The following CACNA1D variants were observed in gnomAD, a reference collection of about 807,000 sequenced individuals.
CACNA1D encodes calcium voltage-gated channel subunit alpha1 D, also known as voltage-dependent L-type calcium channel subunit alpha-1D.
CACNA1D carries 55 observed loss-of-function variants against 257.1 expected under a neutral mutation model. That is an observed-to-expected ratio of 0.21 (90% CI 0.17 to 0.27). The LOEUF is 0.27. Ranked by LOEUF, CACNA1D falls within the 10% of genes least tolerant of loss-of-function variation. CACNA1D has a pLI of 1.00. For missense variants in CACNA1D, 1,876 were observed against 2,784.0 expected, an observed-to-expected ratio of 0.67 and a Z score of 7.34; for synonymous variants, 980 against 1,014.9, an observed-to-expected ratio of 0.97 and a Z score of 0.65.
chr3:53,559,824 G>A (rs1344108004), intron 3 of CACNA1D, among the ~76,000 whole-genome samples: 1 of 152,090 alleles, frequency 6.6e-6, no homozygotes, highest in South Asian at 2.1e-4. Flanking sequence ...ATTACTTTAC[G>A]TGACTGTGTC....
At position 53,787,425 on chromosome 3, in the gene CACNA1D, C is replaced by CTGTGTGTGTGTGTGTGTGTG. The variant is rs3217446; in HGVS notation, c.4923+483_4923+502dup. Among the ~76,000 whole-genome samples, 1,229 of 136,062 alleles carry CTGTGTGTGTGTGTGTGTGTG rather than the reference C, an allele frequency of 9.0e-3. 22 individuals carry two copies. The highest frequency in any genetic ancestry group is 0.027 in the African/African-American group (929 of 34,488). The allele number at this position is 136,062 out of a possible 152,430, so 89.3% of individuals were successfully genotyped here. ...CATCCATCACCTCCTAGTATGTATTCTGTGTGTGTGTGTGTGTGTGTGTGT... is the reference window on the plus strand; with the variant it reads ...CATCCATCACCTCCTAGTATGTATTCTGTGTGTGTGTGTGTGTGTGTGTGTGTGTGTGTGTGTGTGTGTGT... On this transcript the variant is annotated intron_variant, in intron 40 of 47. Transcript: ENST00000350061.
chr3:53,500,452 G>A (rs1428074022), intron 2 of CACNA1D, among the ~76,000 whole-genome samples: 1 of 147,654 alleles, frequency 6.8e-6, no homozygotes, highest in Admixed American at 6.8e-5. Context: ...AAAAAAAAAT[G>A]ATATCTCTAG....
intron 7 of CACNA1D, among the ~76,000 whole-genome samples, chr3:53,668,938 G>C (rs2094295979): frequency 6.6e-6 from 1 of 152,084 alleles, no homozygotes. Context: ...TTTTTAGCTT[G>C]AGGCCATATA....
At chr3:53,617,771 C>T (rs967778813) in intron 3 of CACNA1D, among the ~76,000 whole-genome samples, 1 of 152,172 alleles carries the variant, frequency 6.6e-6, no homozygotes, top group Non-Finnish European at 1.5e-5. Context: ...CTCAGGCACT[C>T]AGCTAGGGAC....
At chr3:53,779,472 T>C (rs962969828) in intron 37 of CACNA1D, among the ~76,000 whole-genome samples, 1 of 151,740 alleles carries the variant, frequency 6.6e-6, no homozygotes, top group Admixed American at 6.6e-5. Context: ...CACACAGAGG[T>C]TTATCATGGG....
chr3:53,637,115 A>C (rs1007891210), intron 3 of CACNA1D, among the ~76,000 whole-genome samples: 2 of 152,196 alleles, frequency 1.3e-5, no homozygotes, highest in African/African-American at 4.8e-5. Flanking sequence ...AAAGATGCTC[A>C]ATGGGAAAAG....
chr3:53,731,978 C>G lies in CACNA1D; in HGVS notation c.2407-38C>G, dbSNP rs762686817. Reference sequence around the variant, plus strand: ...TTTCCTCTCTGAAGTGATTTTAAGTCAGTCTCCCCTCCTCCCAAGATGTCT... The same window carrying G: ...TTTCCTCTCTGAAGTGATTTTAAGTGAGTCTCCCCTCCTCCCAAGATGTCT... On this transcript the variant is annotated intron_variant, in intron 17 of 47. Transcript: ENST00000350061. 48 of 1,340,406 alleles carry G rather than the reference C, an allele frequency of 3.6e-5. No homozygotes were observed. In the Admixed American group the frequency reaches 7.9e-4, roughly 22 times the overall value. The allele number at this position is 1,340,406 out of a possible 1,614,324, so 83.0% of individuals were successfully genotyped here.
chr3:53,575,499 G>C (rs114054847), intron 3 of CACNA1D, among the ~76,000 whole-genome samples: 1 of 152,110 alleles, frequency 6.6e-6, no homozygotes, highest in Non-Finnish European at 1.5e-5. Flanking sequence ...TTTGTTGTTT[G>C]ACTTCCTGCT....
chr3:53,644,708 C>T (rs553585707), intron 3 of CACNA1D, among the ~76,000 whole-genome samples: 49 of 152,282 alleles, frequency 3.2e-4, no homozygotes, highest in African/African-American at 1.1e-3. Context: ...ATTTTCTTTA[C>T]CCATTCATCC....
At chr3:53,761,520 G>A (rs1328488064) in intron 29 of CACNA1D, among the ~76,000 whole-genome samples, 1 of 152,216 alleles carries the variant, frequency 6.6e-6, no homozygotes, top group African/African-American at 2.4e-5. Flanking sequence ...GGACTTGCGA[G>A]GACTGGAGAG....
At chr3:53,497,915 A>T (rs1354686371) in intron 2 of CACNA1D, among the ~76,000 whole-genome samples, 2 of 152,222 alleles carry the variant, frequency 1.3e-5, no homozygotes, top group East Asian at 1.9e-4. Context: ...GAATCTTCTC[A>T]TTCTGATGTT....
chr3:53,786,593 G>C (rs1451173403), intron 39 of CACNA1D: 3 of 556,140 alleles, frequency 5.4e-6, no homozygotes. Context: ...GCAACCTAGA[G>C]TATCAGTTCA....
chr3:53,547,237 C>G (rs2092431514), intron 3 of CACNA1D, among the ~76,000 whole-genome samples: 1 of 152,084 alleles, frequency 6.6e-6, no homozygotes. Flanking sequence ...CTAAGTGCTC[C>G]CCTGCCTTTG....
chr3:53,785,966 C>G (rs1249473238), intron 39 of CACNA1D: 2 of 152,338 alleles, frequency 1.3e-5, no homozygotes, highest in African/African-American at 4.8e-5. Flanking sequence ...TGGTCACAAG[C>G]TTTACCCCCA....
chr3:53,805,184 G>A, intron 45 of CACNA1D, 38 bp downstream of exon 45: 1 of 1,599,096 alleles, frequency 6.3e-7, no homozygotes, highest in Non-Finnish European at 8.5e-7. Flanking sequence ...GAACCTCCCG[G>A]GGAACAGTGT....
chr3:53,518,722 G>A (rs553985521), intron 3 of CACNA1D, among the ~76,000 whole-genome samples: 8 of 152,236 alleles, frequency 5.3e-5, no homozygotes, highest in Admixed American at 2.0e-4. Flanking sequence ...TTGAGTATTT[G>A]TAAGAAAATC....
intron 3 of CACNA1D, among the ~76,000 whole-genome samples, chr3:53,634,491 T>C (rs1219176908): frequency 2.0e-5 from 3 of 152,196 alleles, no homozygotes; most frequent in Non-Finnish European, 4.4e-5. Context: ...TACCATTTCT[T>C]GTAATAGGGT....
chr3:53,712,029 A>G (rs535480014), intron 9 of CACNA1D, among the ~76,000 whole-genome samples: 3 of 152,386 alleles, frequency 2.0e-5, no homozygotes, highest in South Asian at 2.1e-4. Flanking sequence ...TGTCATGGAC[A>G]TAAGAAAAAA....
intron 3 of CACNA1D, among the ~76,000 whole-genome samples, chr3:53,605,754 T>G (rs2107914864): frequency 6.6e-6 from 1 of 152,346 alleles, no homozygotes; most frequent in Middle Eastern, 3.4e-3. Flanking sequence ...TGCAGGTCTG[T>G]TCTCCCCTTC....
Sources: gnomAD v4.1 joint callset for allele counts (sites outside exome capture counted in the v4.1 genomes callset) on GRCh38, gnomAD v4.1.1 for gene constraint, MANE v1.5 for transcripts, NCBI Gene and HGNC (gene_info 2026-07-23, HGNC 2026-07-21) for gene names.